The following SERINC2 variants were observed in gnomAD, a reference collection of about 807,000 sequenced individuals.
The protein encoded by SERINC2 is tumor differentially expressed protein 2.
Under a neutral mutation model 54.2 loss-of-function variants are expected in SERINC2, and 56 were observed. The observed-to-expected ratio is 1.03, with a 90% CI of 0.83 to 1.29. The LOEUF (loss-of-function observed/expected upper bound fraction) is 1.29, where lower values mean the gene tolerates loss of function less well. Among genes scored for constraint, SERINC2 ranks in the 50% most tolerant of loss-of-function variants. The probability of loss-of-function intolerance (pLI) is 0.00; values close to 1 mark genes in which losing one functional copy is unlikely to be tolerated. For missense variants in SERINC2, 614 were observed against 607.4 expected (o/e 1.01, Z -0.12); for synonymous variants, 272 against 253.1 (o/e 1.07, Z -0.71).
intron 1 of SERINC2, among the ~76,000 whole-genome samples, chr1:31,422,783 G>A (rs1164490958): frequency 6.6e-6 from 1 of 152,170 alleles, no homozygotes; most frequent in Admixed American, 6.5e-5. Context: ...TGGGCTCCCA[G>A]GAGGGTGAGT....
chr1:31,424,993 A>G, intron 3 of SERINC2, 120 bp downstream of exon 3: 1 of 744,032 alleles, frequency 1.3e-6, no homozygotes, highest in Non-Finnish European at 2.2e-6. Context: ...AGGGCACAGC[A>G]TGGAGAACAG....
At chr1:31,433,397 A>G (rs1277872143) in intron 9 of SERINC2, among the ~76,000 whole-genome samples, 5 of 152,132 alleles carry the variant, frequency 3.3e-5, no homozygotes, top group African/African-American at 9.7e-5. Flanking sequence ...CTTCACTAGG[A>G]GACTGAACCG....
At chr1:31,430,598 G>T (rs1641168744) in intron 8 of SERINC2, among the ~76,000 whole-genome samples, 1 of 152,208 alleles carries the variant, frequency 6.6e-6, no homozygotes, top group Non-Finnish European at 1.5e-5. Flanking sequence ...TTGAGCCTGG[G>T]AGTTTGCCAA....
In SERINC2 at chr1:31,432,992, G is replaced by A. The variant is rs1553135001; in HGVS notation, c.1039G>A (p.Val347Met). The A allele has an allele frequency of 3.7e-6, 6 of 1,612,090 alleles. No individual in the cohort carries two copies. The highest frequency in any genetic ancestry group is 1.7e-5 in the Admixed American group (1 of 59,914). Residue 347 changes from valine (V) to methionine (M), a missense_variant, in exon 9 of 10, where the codon GTG (valine) becomes ATG (methionine). Physicochemically the swap from Val to Met is conservative, Grantham distance 21 (BLOSUM62 1). Coordinates refer to ENST00000373709, the MANE Select transcript of SERINC2 (RefSeq NM_178865.5). ...TCTGCGCTCCTCAGACCACCGGCAG[G>A]TGAACAGCCTGATGCAGACCGAGGA... is the stretch of plus-strand genomic sequence containing the variant. The part of the protein sequence containing the change: ...ISLRSSDHRQ[V>M]NSLMQTEECP...
upstream of SERINC2, among the ~76,000 whole-genome samples, chr1:31,411,930 G>A (rs1553131500): frequency 6.7e-6 from 1 of 148,536 alleles, no homozygotes; most frequent in Non-Finnish European, 1.5e-5. Flanking sequence ...GGGTCCAGGA[G>A]GTTGAAGCTG....
chr1:31,414,609 G>T, intron 1 of SERINC2: 1 of 985,942 alleles, frequency 1.0e-6, no homozygotes, highest in South Asian at 4.7e-5. Context: ...TCGTGTGTGT[G>T]TGTGCGTGTG....
chr1:31,430,973 T>C (rs1175479348), intron 8 of SERINC2, among the ~76,000 whole-genome samples: 33 of 152,236 alleles, frequency 2.2e-4, no homozygotes, highest in Non-Finnish European at 7.3e-5. Flanking sequence ...TCTTCTGTTT[T>C]GGCCTTTTTC....
At chr1:31,431,117 C>T (rs1347790541) in intron 8 of SERINC2, among the ~76,000 whole-genome samples, 2 of 149,088 alleles carry the variant, frequency 1.3e-5, no homozygotes, top group South Asian at 4.4e-4. Context: ...CCCTTCCCCT[C>T]CCCCCTCCTC....
intron 2 of SERINC2, among the ~76,000 whole-genome samples, chr1:31,424,344 C>A (rs1347163042): frequency 6.6e-6 from 1 of 152,194 alleles, no homozygotes; most frequent in African/African-American, 2.4e-5. Context: ...TCTGTTTTCC[C>A]AAGCATCTCA....
intron 8 of SERINC2, among the ~76,000 whole-genome samples, chr1:31,432,702 C>A (rs1366509212): frequency 6.6e-6 from 1 of 152,054 alleles, no homozygotes; most frequent in African/African-American, 2.4e-5. Flanking sequence ...TCCGTCTAGT[C>A]CCCCCAGCAG....
At chr1:31,416,183 T>G (rs1361404370) in intron 1 of SERINC2, among the ~76,000 whole-genome samples, 28 of 152,140 alleles carry the variant, frequency 1.8e-4, no homozygotes, top group Admixed American at 1.7e-3. Context: ...TTGTGAGGAT[T>G]AAATGGGACT....
At chr1:31,418,825 A>G (rs183803130) in intron 1 of SERINC2, among the ~76,000 whole-genome samples, 185 of 152,338 alleles carry the variant, frequency 1.2e-3, no homozygotes, top group African/African-American at 4.2e-3. Context: ...GCCTGTTCAC[A>G]TAATGCCAAA....
At chr1:31,414,487 G>C in intron 1 of SERINC2, 1 of 1,019,970 alleles carries the variant, frequency 9.8e-7, no homozygotes, top group Non-Finnish European at 1.2e-6. Flanking sequence ...AGGGGGTGTA[G>C]GGGAGAGCTG....
At chr1:31,429,871 G>C (rs1355418735) in intron 8 of SERINC2, among the ~76,000 whole-genome samples, 1 of 152,076 alleles carries the variant, frequency 6.6e-6, no homozygotes, top group East Asian at 1.9e-4. Context: ...GTGCGGCTTG[G>C]GGTAAGTGGC....
rs1442462580 is a variant in SERINC2 at position 31,434,676 on chromosome 1, C to T, written c.*477C>T. The T allele has an allele frequency of 2.4e-5, 4 of 169,018 alleles. No homozygotes were observed. The highest frequency in any genetic ancestry group is 5.2e-5 in the Non-Finnish European group (4 of 77,436). 10.5% of individuals were successfully genotyped at this position (169,018 alleles called of 1,614,324 possible). A position where few individuals can be genotyped will look rare whatever the true frequency, so the allele number is the denominator to read the frequency against. On this transcript the variant is annotated 3_prime_UTR_variant, in exon 10 of 10. Coordinates refer to ENST00000373709, the MANE Select transcript of SERINC2 (RefSeq NM_178865.5). Reference sequence around the variant, plus strand: ...TCTAATAAACAAGCCAGTGCGTGTACCATGTTCTGTGCCCCTCACCCTCAG... The same window carrying T: ...TCTAATAAACAAGCCAGTGCGTGTATCATGTTCTGTGCCCCTCACCCTCAG...
At chr1:31,431,895 T>C (rs191642889) in intron 8 of SERINC2, among the ~76,000 whole-genome samples, 271 of 17,748 alleles carry the variant, frequency 0.015, no homozygotes, top group Middle Eastern at 0.12. Context: ...ACAGGGTGGA[T>C]AGGGTGGATA....
intron 1 of SERINC2, chr1:31,414,513 A>T (rs1640737077): frequency 6.0e-6 from 6 of 998,252 alleles, no homozygotes; most frequent in African/African-American, 1.8e-5. Context: ...CTAGAGATTT[A>T]CTTTACAGCC....
chr1:31,423,792 T>C lies in SERINC2; in HGVS notation c.139T>C (p.Phe47Leu), dbSNP rs1553133061. 2 of 1,614,064 alleles carry C rather than the reference T, an allele frequency of 1.2e-6. No individual in the cohort carries two copies. Among genetic ancestry groups the C allele is most frequent in the South Asian group, 2.2e-5 (2 of 91,076 alleles). ...CCGCCTCATCTTCACGTTCTTCCTC[T>C]TCCTGGGGGTGCTGGTGTCCATCAT... is the stretch of plus-strand genomic sequence containing the variant. ...VSRLIFTFFL[F>L]LGVLVSIIML... Residue 47 changes from phenylalanine (F) to leucine (L), a missense_variant, in exon 2 of 10, where the codon TTC becomes CTC. Transcript: ENST00000373709.
chr1:31,415,765 G>A, intron 1 of SERINC2: 1 of 593,272 alleles, frequency 1.7e-6, no homozygotes, highest in Non-Finnish European at 2.1e-6. Flanking sequence ...GAAGTTCTAT[G>A]TGGGGTTTCT....
Sources: gnomAD v4.1 joint callset for allele counts (sites outside exome capture counted in the v4.1 genomes callset) on GRCh38, gnomAD v4.1.1 for gene constraint, MANE v1.5 for transcripts, NCBI Gene and HGNC (gene_info 2026-07-23, HGNC 2026-07-21) for gene names.